Variants in RNF126 observed in about 807,000 individuals in gnomAD.
RNF126 encodes ring finger protein 126, also known as E3 ubiquitin-protein ligase RNF126.
A neutral mutation model predicts 41.9 loss-of-function variants in RNF126; 20 were observed. That is an observed-to-expected ratio of 0.48 (90% CI 0.34 to 0.69). The LOEUF (loss-of-function observed/expected upper bound fraction) is 0.69, where lower values mean the gene tolerates loss of function less well. Ranked by LOEUF, RNF126 falls within the 30% of genes least tolerant of loss-of-function variation. The pLI is 0.01. For missense variants in RNF126, 433 were observed against 460.6 expected (o/e 0.94, Z 0.55); for synonymous variants, 239 against 202.9 (o/e 1.18, Z -1.51).
intron 4 of RNF126, 61 bp from the exon 5 acceptor site, chr19:650,357 C>A (rs2030218255): frequency 1.4e-6 from 2 of 1,470,604 alleles, no homozygotes; most frequent in Non-Finnish European, 9.3e-7. Flanking sequence ...AGGCGCCAGG[C>A]CTGCCAGGTC....
intron 3 of RNF126, 84 bp downstream of exon 3, chr19:652,149 G>A (rs2030334719): frequency 8.6e-7 from 1 of 1,164,254 alleles, no homozygotes; most frequent in Non-Finnish European, 1.2e-6. Context: ...GGGAGAGCCG[G>A]GGAGGCGAGG....
rs915788023 is a variant in RNF126 at position 659,283 on chromosome 19, G to A, written c.75+3764C>T. Among the ~76,000 whole-genome samples, 19 of 152,148 alleles carry A rather than the reference G, an allele frequency of 1.2e-4. No individual in the cohort carries two copies. Among genetic ancestry groups the A allele is most frequent in the Non-Finnish European group, 2.5e-4 (17 of 68,022 alleles). ...CAGGGTGGGCCGGGGGGCAGCTGGGGAGACTTCCCGCCTGGCCCCATCAGT... is the reference window on the plus strand; with the variant it reads ...CAGGGTGGGCCGGGGGGCAGCTGGGAAGACTTCCCGCCTGGCCCCATCAGT... On this transcript the variant is annotated intron_variant, in intron 1 of 8. Coordinates refer to ENST00000292363, the MANE Select transcript of RNF126 (RefSeq NM_194460.3). The surrounding 1 kb of genome is among the most constrained non-coding windows in gnomAD (Gnocchi z 4.9).
At chr19:649,011 C>A in intron 6 of RNF126, 36 bp from the exon 7 acceptor site, 1 of 1,104,496 alleles carries the variant, frequency 9.1e-7, no homozygotes, top group Non-Finnish European at 1.2e-6. Flanking sequence ...GGGAGCTCCT[C>A]GGGGGCCCGG....
rs138868462 is a variant in RNF126 at position 651,722 on chromosome 19, C to T, written c.332G>A (p.Arg111Gln). The T allele has an allele frequency of 1.3e-4, 207 of 1,611,144 alleles. 2 individuals are homozygous for T. Among genetic ancestry groups the T allele is most frequent in the Admixed American group, 2.7e-4 (16 of 59,878 alleles). ...QADDGRDPES[R>Q]RERDHPSRHR... is the part of the protein sequence containing the mutation. ...CCGGGACGGATGGTCTCTCTCCCGC[C>T]GGCTCTCAGGGTCCCTGCCGTCGTC... The change falls in exon 4 of 9, where the codon CGG becomes CAG. Residue 111 changes from arginine to glutamine, a missense_variant. Arg to Gln is a conservative substitution (Grantham distance 43, BLOSUM62 1). Around this residue, in one of 5 missense-constraint regions of RNF126, gnomAD observed 247 missense variants for 224.7 expected, o/e 1.10. Transcript: ENST00000292363.
chr19:652,366 C>T, intron 2 of RNF126, 70 bp from the exon 3 acceptor site: 3 of 1,321,912 alleles, frequency 2.3e-6, no homozygotes, highest in Non-Finnish European at 3.1e-6. Flanking sequence ...TCCCTCCCCT[C>T]AAAAGCCTAT....
intron 2 of RNF126, 27 bp from the exon 3 acceptor site, chr19:652,323 G>A: frequency 6.5e-7 from 1 of 1,542,080 alleles, no homozygotes; most frequent in South Asian, 1.2e-5. Flanking sequence ...GGTCAGCAGT[G>A]CCGGCTACCC....
At chr19:655,223 G>T (rs1314011395) in intron 1 of RNF126, among the ~76,000 whole-genome samples, 1 of 151,946 alleles carries the variant, frequency 6.6e-6, no homozygotes, top group Admixed American at 6.6e-5. Context: ...ACAGGCAGGA[G>T]CGGGAGGCAG....
chr19:653,193 G>A (rs115017517), intron 1 of RNF126, among the ~76,000 whole-genome samples: 258 of 152,052 alleles, frequency 1.7e-3, no homozygotes, highest in African/African-American at 5.9e-3. Context: ...CGTGACGGGC[G>A]TCACCAGTGC....
At chr19:662,622 G>A (rs921248943) in intron 1 of RNF126, among the ~76,000 whole-genome samples, 5 of 152,152 alleles carry the variant, frequency 3.3e-5, no homozygotes, top group African/African-American at 4.8e-5. Flanking sequence ...GCCCCGCCAG[G>A]CCCAGCCCCT....
intron 1 of RNF126, among the ~76,000 whole-genome samples, chr19:655,221 G>A (rs1228416461): frequency 6.6e-6 from 1 of 151,892 alleles, no homozygotes; most frequent in Non-Finnish European, 1.5e-5. Flanking sequence ...AGACAGGCAG[G>A]AGCGGGAGGC....
rs117264382 is a variant in RNF126, at chr19:659,431, C to A, written c.75+3616G>T. Among the ~76,000 whole-genome samples, 635 of 152,266 alleles carry A rather than the reference C, an allele frequency of 4.2e-3. 2 individuals are homozygous for A. The highest frequency in any genetic ancestry group is 6.6e-3 in the Non-Finnish European group (451 of 68,010). On this transcript the variant is annotated intron_variant, in intron 1 of 8. Transcript: ENST00000292363. This position sits in a 1 kb window ranked among gnomAD's most constrained non-coding sequence, Gnocchi z 4.9. ...CTCTCACCGCCACTTGGGGACACTG[C>A]GGAGGTTGCAGGCGTTCGGGGGTGG... is the stretch of plus-strand genomic sequence containing the variant.
chr19:652,179 G>C, intron 3 of RNF126, 54 bp downstream of exon 3: 1 of 1,411,642 alleles, frequency 7.1e-7, no homozygotes. Flanking sequence ...GCTGGCGCTC[G>C]GGGCCCCGAG....
chr19:654,774 C>T (rs2030489820), intron 1 of RNF126, among the ~76,000 whole-genome samples: 1 of 151,052 alleles, frequency 6.6e-6, no homozygotes, highest in South Asian at 2.1e-4. Context: ...CGAGACCAGC[C>T]TGGACAACAT....
Position 651,777 on chromosome 19 carries a change from T to C in RNF126, c.277A>G (p.Ile93Val), listed in dbSNP as rs1370824793. Residue 93 changes from isoleucine to valine, a missense_variant, in exon 4 of 9, where the codon ATC becomes GTC. This residue lies in a region of RNF126 where 247 missense variants were observed against 224.7 expected (regional missense o/e 1.10). Coordinates refer to ENST00000292363, the MANE Select transcript of RNF126 (RefSeq NM_194460.3). ...AFGIFDDSFE[I>V]PTFPPGAQAD... is the part of the protein sequence containing the mutation. ...TGCGCCCCAGGAGGGAACGTGGGGA[T>C]CTCGAAGCTGTCATCGAAGATGCCG... 4.3e-6 allele frequency: 7 copies of C among 1,612,536 alleles called. No individual in the cohort carries two copies. The African/African-American group carries it at 8.0e-5, about 18-fold the overall frequency.
chr19:652,583 CG>C (rs1862930841), intron 2 of RNF126: 1 of 606,246 alleles, frequency 1.6e-6, no homozygotes. Flanking sequence ...CCAGATTAGC[CG>C]CCGAGGCTGA....
chr19:661,791 A>G (rs1246107788), intron 1 of RNF126, among the ~76,000 whole-genome samples: 2 of 152,144 alleles, frequency 1.3e-5, no homozygotes, highest in East Asian at 1.9e-4. Flanking sequence ...TACACAGCAC[A>G]GTAAATCCTC....
At chr19:649,443 C>T (rs535473840) in intron 6 of RNF126, 11 of 550,948 alleles carry the variant, frequency 2.0e-5, no homozygotes, top group South Asian at 6.7e-5. Flanking sequence ...GAGTCCTCCC[C>T]GCGGTTTTGC....
chr19:662,946 TCGCG>T (rs2030874234), intron 1 of RNF126, 97 bp downstream of exon 1: 2 of 454,584 alleles, frequency 4.4e-6, no homozygotes, highest in Non-Finnish European at 6.9e-6. Context: ...CGTGGTCAGC[TCGCG>T]CAAGAGGCGG....
rs557637985 is a variant in RNF126, at chr19:648,493, G to C, written c.671-6C>G. 23 of 1,561,512 alleles carry C rather than the reference G, an allele frequency of 1.5e-5. No homozygotes were observed. The African/African-American group carries it at 3.1e-4, about 21-fold the overall frequency. ...AGGGCACTCGAGCCCGGAGCCTGCG[G>C]GAGTGTGCAGCTGCGGTCACAGCGG... On this transcript the variant is annotated splice_polypyrimidine_tract_variant and splice_region_variant and intron_variant, in intron 7 of 8. Coordinates refer to ENST00000292363, the MANE Select transcript of RNF126 (RefSeq NM_194460.3).
Sources: allele counts gnomAD v4.1 joint callset (sites outside exome capture counted in the v4.1 genomes callset), GRCh38; gene constraint gnomAD v4.1.1; regional missense constraint gnomAD v4.1.1; non-coding constraint Gnocchi (gnomAD v3.1); transcripts MANE v1.5; gene names NCBI Gene and HGNC (gene_info 2026-07-23, HGNC 2026-07-21).